The following RUVBL2 variants were observed in gnomAD, a reference collection of about 807,000 sequenced individuals.
RUVBL2 encodes ruvB-like 2.
In RUVBL2, 9 loss-of-function variants were observed where a neutral mutation model predicts 57.9. The ratio of observed to expected loss-of-function variants is 0.16; its 90% CI spans 0.09 to 0.27. The LOEUF is 0.27. Ranked by LOEUF, RUVBL2 falls within the 10% of genes least tolerant of loss-of-function variation. The pLI is 1.00. For missense variants in RUVBL2, 456 were observed against 669.6 expected (o/e 0.68, Z 3.52); for synonymous variants, 278 against 264.6 (o/e 1.05, Z -0.49).
At chr19:48,996,502 CTGTG>C (rs72341497) in intron 1 of RUVBL2, among the ~76,000 whole-genome samples, 1,752 of 138,144 alleles carry the variant, frequency 0.013, 25 homozygotes, top group African/African-American at 0.033. Context: ...ATTTTTGTAT[CTGTG>C]TGTGTGTGTG....
At chr19:49,006,907 T>G in intron 4 of RUVBL2, 111 bp from the exon 5 acceptor site, 2 of 1,401,430 alleles carry the variant, frequency 1.4e-6, no homozygotes, top group South Asian at 2.6e-5. Context: ...ACATGTAGGA[T>G]GGCACTGAAC....
At chr19:49,013,347 G>A (rs1056980625) in intron 11 of RUVBL2, among the ~76,000 whole-genome samples, 3 of 148,956 alleles carry the variant, frequency 2.0e-5, no homozygotes, top group Non-Finnish European at 3.0e-5. Context: ...CAATCCACCC[G>A]CCTCAGCCTC....
At chr19:48,999,585 A>C (rs1323236116) in intron 2 of RUVBL2, among the ~76,000 whole-genome samples, 2 of 152,116 alleles carry the variant, frequency 1.3e-5, no homozygotes, top group Non-Finnish European at 2.9e-5. Flanking sequence ...CCAGGCTGCT[A>C]TCCTGGCTAT....
rs1568641078 is a variant in RUVBL2 at position 49,011,114 on chromosome 19, C to CGGGGCGGGTGGTGGGGTGGAGGT, written c.882+25_882+47dup. The CGGGGCGGGTGGTGGGGTGGAGGT allele has an allele frequency of 1.6e-5, 9 of 547,088 alleles. No homozygotes were observed. The highest frequency in any genetic ancestry group is 2.8e-5 in the Non-Finnish European group (8 of 289,608). 33.9% of individuals were successfully genotyped at this position (547,088 alleles called of 1,614,324 possible). A position where few individuals can be genotyped will look rare whatever the true frequency, so the allele number is the denominator to read the frequency against. ...CTGGAGTGAGGACCCAGGACATGGCCGGGGCGGGTGGTGGGGTGGAGGTGG... is the reference window on the plus strand; with the variant it reads ...CTGGAGTGAGGACCCAGGACATGGCCGGGGCGGGTGGTGGGGTGGAGGTGGGGCGGGTGGTGGGGTGGAGGTGG... On this transcript the variant is annotated intron_variant, in intron 10 of 14. Transcript: ENST00000595090. This position sits in a 1 kb window ranked among gnomAD's most constrained non-coding sequence, Gnocchi z 4.4.
chr19:49,001,301 A>G (rs1215500137), intron 2 of RUVBL2: 3 of 150,718 alleles, frequency 2.0e-5, no homozygotes, highest in East Asian at 2.0e-4. Context: ...AGCTGGGACT[A>G]CAGGCGCCCG....
At chr19:49,004,501 C>A in intron 4 of RUVBL2, 83 bp downstream of exon 4, 2 of 1,376,092 alleles carry the variant, frequency 1.5e-6, no homozygotes, top group South Asian at 1.3e-5. Context: ...GATGAGCCGC[C>A]TTTAACAGAT....
At chr19:49,006,881 T>C in intron 4 of RUVBL2, 137 bp from the exon 5 acceptor site, 1 of 1,156,786 alleles carries the variant, frequency 8.6e-7, no homozygotes, top group Non-Finnish European at 1.2e-6. Context: ...TCTGCTCAGC[T>C]CGGAGCCAAG....
chr19:49,009,997 G>C lies in RUVBL2; in HGVS notation c.594G>C (p.Ala198=). The change falls in exon 8 of 15, where the codon GCG becomes GCC. Residue 198 remains alanine (A), a synonymous_variant. Transcript: ENST00000595090. ...QAGDVITIDK[A]TGKISKLGRS... ...GGGACGTGATCACCATCGACAAGGC[G>C]ACGGGCAAGATCTCCAAGCTGGGCC... 1.3e-6 allele frequency: 2 copies of C among 1,591,014 alleles called. No homozygotes were observed. Among genetic ancestry groups the C allele is most frequent in the Non-Finnish European group, 1.7e-6 (2 of 1,166,170 alleles).
Position 49,010,623 on chromosome 19 carries a change from C to A in RUVBL2, c.787+12C>A, listed in dbSNP as rs2039398861. On this transcript the variant is annotated intron_variant, in intron 9 of 14. Coordinates refer to ENST00000595090, the MANE Select transcript of RUVBL2 (RefSeq NM_006666.3). ...GGCGCTCTTCTCAGGTGAGGCCCCT[C>A]CTGCCCTGCCCTGCCCTGCCCTGCC... is the stretch of plus-strand genomic sequence containing the variant. The A allele has an allele frequency of 2.5e-6, 4 of 1,607,718 alleles. No individual in the cohort carries two copies. The highest frequency in any genetic ancestry group is 2.5e-6 in the Non-Finnish European group (3 of 1,178,076).
intron 6 of RUVBL2, among the ~76,000 whole-genome samples, chr19:49,008,916 T>C (rs2039340768): frequency 1.3e-5 from 2 of 151,218 alleles, no homozygotes; most frequent in African/African-American, 4.9e-5. Flanking sequence ...GAGGCAGAAG[T>C]TGCAGTAAGC....
chr19:49,010,862 G>A, intron 9 of RUVBL2, 137 bp from the exon 10 acceptor site: 2 of 894,884 alleles, frequency 2.2e-6, no homozygotes. Context: ...CTTTGGGGAT[G>A]TTTCAGGCTC....
chr19:48,993,550 G>T, upstream of RUVBL2: 1 of 462,322 alleles, frequency 2.2e-6, no homozygotes, highest in South Asian at 2.2e-5. Flanking sequence ...TGGAGCTGGA[G>T]GCCTCAAAGT....
intron 2 of RUVBL2, among the ~76,000 whole-genome samples, chr19:49,001,953 C>T (rs190706585): frequency 2.0e-5 from 3 of 152,256 alleles, no homozygotes; most frequent in Admixed American, 6.5e-5. Context: ...AATCCTTCCT[C>T]TGTTGAAACT....
intron 2 of RUVBL2, among the ~76,000 whole-genome samples, chr19:49,000,247 T>C (rs761557457): frequency 5.9e-5 from 9 of 152,266 alleles, no homozygotes; most frequent in Admixed American, 2.0e-4. Context: ...GTGCCAACAC[T>C]GTTTCATCTA....
At position 49,006,915 on chromosome 19, in the gene RUVBL2, A is replaced by G. The variant is rs576125235; in HGVS notation, c.266-103A>G. The G allele has an allele frequency of 3.4e-6, 5 of 1,482,732 alleles. No homozygotes were observed. In the African/African-American group the frequency reaches 6.9e-5, roughly 20 times the overall value. The allele number at this position is 1,482,732 out of a possible 1,614,324, so 91.8% of individuals were successfully genotyped here. ...AGTCCTTACATGTAGGATGGCACTG[A>G]ACCCTCTTTCCTGGGGTGGGAGAAA... On this transcript the variant is annotated intron_variant, in intron 4 of 14. Coordinates refer to ENST00000595090, the MANE Select transcript of RUVBL2 (RefSeq NM_006666.3).
intron 6 of RUVBL2, among the ~76,000 whole-genome samples, chr19:49,008,226 A>T (rs2039323752): frequency 6.7e-6 from 1 of 148,402 alleles, no homozygotes; most frequent in African/African-American, 2.5e-5. Flanking sequence ...TTTATTTTTT[A>T]TTTTTATTTT....
chr19:49,002,053 G>GTT (rs1238451015), intron 2 of RUVBL2, among the ~76,000 whole-genome samples: 2 of 148,196 alleles, frequency 1.3e-5, no homozygotes, highest in African/African-American at 4.9e-5. Context: ...TTGGTTTTTT[G>GTT]TTGTTTTTTT....
chr19:49,002,953 A>G (rs2039213382), intron 2 of RUVBL2, among the ~76,000 whole-genome samples: 1 of 152,230 alleles, frequency 6.6e-6, no homozygotes. Context: ...TGTGTAAACC[A>G]TAAACATGAA....
At chr19:49,008,616 T>G (rs1600186415) in intron 6 of RUVBL2, among the ~76,000 whole-genome samples, 1 of 151,198 alleles carries the variant, frequency 6.6e-6, no homozygotes, top group East Asian at 2.0e-4. Flanking sequence ...GAGGCTGAGG[T>G]GGGCGATCAC....
Sources: allele counts gnomAD v4.1 joint callset (sites outside exome capture counted in the v4.1 genomes callset), GRCh38; gene constraint gnomAD v4.1.1; non-coding constraint Gnocchi (gnomAD v3.1); transcripts MANE v1.5; gene names NCBI Gene and HGNC (gene_info 2026-07-23, HGNC 2026-07-21).